Variants in RCAN2 observed in about 807,000 individuals in gnomAD.
RCAN2 encodes the protein calcipressin-2.
A neutral mutation model predicts 23.6 loss-of-function variants in RCAN2; 9 were observed. The ratio of observed to expected loss-of-function variants is 0.38; its 90% CI spans 0.23 to 0.67. RCAN2 has a LOEUF of 0.67. Ranked by LOEUF, RCAN2 falls within the 30% of genes least tolerant of loss-of-function variation. The probability of loss-of-function intolerance (pLI) is 0.51; values close to 1 mark genes in which losing one functional copy is unlikely to be tolerated. For synonymous variants in RCAN2, 109 were observed against 115.7 expected (o/e 0.94, Z 0.37); for missense variants, 273 against 302.3 (o/e 0.90, Z 0.72).
At chr6:46,337,416 C>G (rs995324692) in intron 2 of RCAN2, among the ~76,000 whole-genome samples, 4 of 152,172 alleles carry the variant, frequency 2.6e-5, no homozygotes, top group African/African-American at 9.7e-5. Flanking sequence ...TTTAATCTTT[C>G]AAAAATGCCT....
intron 1 of RCAN2, among the ~76,000 whole-genome samples, chr6:46,462,834 C>T (rs1768261252): frequency 6.6e-6 from 1 of 152,182 alleles, no homozygotes; most frequent in Admixed American, 6.5e-5. Flanking sequence ...ATTCACATTT[C>T]TGAATTGCAG....
intron 2 of RCAN2, among the ~76,000 whole-genome samples, chr6:46,403,382 G>A (rs1766314297): frequency 6.6e-6 from 1 of 151,792 alleles, no homozygotes; most frequent in Non-Finnish European, 1.5e-5. Flanking sequence ...AGACCAGCCT[G>A]ACCAACATGG....
chr6:46,483,382 C>T (rs1768916300), intron 1 of RCAN2, among the ~76,000 whole-genome samples: 1 of 152,144 alleles, frequency 6.6e-6, no homozygotes, highest in East Asian at 1.9e-4. Flanking sequence ...TCTTAACCTT[C>T]CAGAACAACA....
chr6:46,387,538 G>C (rs2150396625), intron 2 of RCAN2, among the ~76,000 whole-genome samples: 2 of 152,290 alleles, frequency 1.3e-5, no homozygotes, highest in East Asian at 1.9e-4. Context: ...AAATGCATAT[G>C]AAAACCACAA....
chr6:46,224,446 A>G (rs549847700), intron 4 of RCAN2, among the ~76,000 whole-genome samples: 50 of 152,312 alleles, frequency 3.3e-4, no homozygotes, highest in African/African-American at 1.2e-3. Flanking sequence ...TCTCTCACCA[A>G]TCTTTTCCAT....
chr6:46,490,924 G>T (rs899919070), intron 1 of RCAN2, among the ~76,000 whole-genome samples: 9 of 151,864 alleles, frequency 5.9e-5, no homozygotes, highest in Non-Finnish European at 1.2e-4. Context: ...CTAGAGGGGG[G>T]TCGCGGGAGA....
intron 1 of RCAN2, among the ~76,000 whole-genome samples, chr6:46,475,311 G>T (rs1318351386): frequency 6.6e-6 from 1 of 152,200 alleles, no homozygotes; most frequent in East Asian, 1.9e-4. Context: ...TGAAAGTCAT[G>T]CTCTCTAGGC....
chr6:46,453,374 G>A (rs955342972), intron 2 of RCAN2, among the ~76,000 whole-genome samples: 6 of 152,102 alleles, frequency 3.9e-5, no homozygotes, highest in Non-Finnish European at 5.9e-5. Context: ...TCAACCATCT[G>A]GACCACAACA....
intron 2 of RCAN2, among the ~76,000 whole-genome samples, chr6:46,280,639 T>C (rs2150338707): frequency 6.6e-6 from 1 of 152,336 alleles, no homozygotes; most frequent in South Asian, 2.1e-4. Flanking sequence ...ATTCTGCTGG[T>C]TCCAATGAAG....
At chr6:46,301,301 C>G (rs1049199313) in intron 2 of RCAN2, among the ~76,000 whole-genome samples, 1 of 152,026 alleles carries the variant, frequency 6.6e-6, no homozygotes, top group African/African-American at 2.4e-5. Flanking sequence ...AAAATGGGGA[C>G]TGAGCCCTCT....
chr6:46,320,725 CAGAAG>C (rs1763587923), intron 2 of RCAN2, among the ~76,000 whole-genome samples: 1 of 152,126 alleles, frequency 6.6e-6, no homozygotes, highest in South Asian at 2.1e-4. Context: ...CTTGGCCTTT[CAGAAG>C]AGAAAAGAGC....
At chr6:46,306,195 G>T (rs1014275993) in intron 2 of RCAN2, among the ~76,000 whole-genome samples, 2 of 152,116 alleles carry the variant, frequency 1.3e-5, no homozygotes, top group African/African-American at 4.8e-5. Flanking sequence ...AGACTGGCTT[G>T]TCTCCATGTC....
intron 1 of RCAN2, among the ~76,000 whole-genome samples, chr6:46,489,917 C>A (rs1002984477): frequency 1.3e-5 from 2 of 152,206 alleles, no homozygotes; most frequent in Non-Finnish European, 2.9e-5. Context: ...TCAATGACTA[C>A]ACTGAAAAGC....
At chr6:46,237,910 G>A (rs1020982876) in intron 4 of RCAN2, among the ~76,000 whole-genome samples, 2 of 152,194 alleles carry the variant, frequency 1.3e-5, no homozygotes, top group Non-Finnish European at 2.9e-5. Flanking sequence ...GCACCATTTT[G>A]CCAACCATGT....
intron 2 of RCAN2, among the ~76,000 whole-genome samples, chr6:46,374,942 C>T (rs1005056360): frequency 2.0e-5 from 3 of 152,060 alleles, no homozygotes; most frequent in African/African-American, 2.4e-5. Flanking sequence ...TGTCTTGCTC[C>T]GTCGCCCAAG....
intron 2 of RCAN2, among the ~76,000 whole-genome samples, chr6:46,421,283 C>T (rs1766884493): frequency 6.6e-6 from 1 of 152,076 alleles, no homozygotes; most frequent in Admixed American, 6.6e-5. Flanking sequence ...ATAACCCAGA[C>T]AGGAGGTGGC....
intron 2 of RCAN2, among the ~76,000 whole-genome samples, chr6:46,349,892 C>T (rs1166429018): frequency 1.3e-5 from 2 of 152,164 alleles, no homozygotes; most frequent in Non-Finnish European, 1.5e-5. Context: ...TCATATCATT[C>T]CCTGCTCTCA....
chr6:46,454,856 C>A (rs145439012), intron 2 of RCAN2, among the ~76,000 whole-genome samples: 2 of 152,306 alleles, frequency 1.3e-5, no homozygotes, highest in South Asian at 2.1e-4. Flanking sequence ...TGAACTCCCC[C>A]CTCCAGCCCC....
intron 4 of RCAN2, among the ~76,000 whole-genome samples, chr6:46,230,904 G>A (rs1765862790): frequency 6.6e-6 from 1 of 152,152 alleles, no homozygotes; most frequent in Non-Finnish European, 1.5e-5. Flanking sequence ...TCTCTCCAAG[G>A]TACAGTTTTA....
Sources: gnomAD v4.1 joint callset for allele counts (sites outside exome capture counted in the v4.1 genomes callset) on GRCh38, gnomAD v4.1.1 for gene constraint, MANE v1.5 for transcripts, NCBI Gene and HGNC (gene_info 2026-07-23, HGNC 2026-07-21) for gene names.